The following AKAP12 variants were observed in gnomAD, a reference collection of about 807,000 sequenced individuals.
AKAP12 encodes A-kinase anchor protein 12.
In AKAP12, 32 loss-of-function variants were observed where a neutral mutation model predicts 79.9. That is an observed-to-expected ratio of 0.40 (90% confidence interval 0.30 to 0.54). The LOEUF (loss-of-function observed/expected upper bound fraction) is 0.54. Among genes scored for constraint, AKAP12 ranks in the 20% least tolerant of loss-of-function variants. The pLI, the probability that AKAP12 is intolerant of heterozygous loss-of-function variation, is 0.48. For missense variants in AKAP12, 2,074 were observed against 2,177.0 expected (o/e 0.95, Z 0.94); for synonymous variants, 808 against 857.0 (o/e 0.94, Z 1.00).
intron 2 of AKAP12, among the ~76,000 whole-genome samples, chr6:151,250,992 T>A (rs1797163171): frequency 6.6e-6 from 1 of 152,146 alleles, no homozygotes; most frequent in Non-Finnish European, 1.5e-5. Flanking sequence ...CTTGAACACC[T>A]CATAATTGAG....
intron 2 of AKAP12, among the ~76,000 whole-genome samples, chr6:151,248,039 A>G (rs1165964097): frequency 1.3e-5 from 2 of 151,032 alleles, no homozygotes; most frequent in African/African-American, 5.0e-5. Context: ...TCAAAACGAA[A>G]TAAACCAAAA....
At chr6:151,338,476 G>A (rs1412056957) in intron 3 of AKAP12, among the ~76,000 whole-genome samples, 4 of 147,514 alleles carry the variant, frequency 2.7e-5, no homozygotes, top group Non-Finnish European at 5.9e-5. Flanking sequence ...TTTTCCCCGA[G>A]ATGGAGTCTT....
At chr6:151,258,456 A>G (rs1345532790) in intron 2 of AKAP12, among the ~76,000 whole-genome samples, 2 of 152,202 alleles carry the variant, frequency 1.3e-5, no homozygotes, top group African/African-American at 4.8e-5. Flanking sequence ...ACAGTCTCAT[A>G]GAAAAGCAAA....
chr6:151,241,252 C>A (rs1796969792), intron 2 of AKAP12, among the ~76,000 whole-genome samples: 1 of 152,228 alleles, frequency 6.6e-6, no homozygotes. Context: ...GGTTTGGTAC[C>A]CAGTCCTCCT....
At position 151,309,458 on chromosome 6, in the gene AKAP12, T is replaced by C. The variant is rs567078431; in HGVS notation, c.319+3555T>C. 3.3e-4 allele frequency among the ~76,000 whole-genome samples: 51 copies of C among 152,330 alleles called. 1 individual carries two copies. In the South Asian group the frequency reaches 6.6e-3, roughly 20 times the overall value. On this transcript the variant is annotated intron_variant, in intron 3 of 4. Coordinates refer to ENST00000402676, the MANE Select transcript of AKAP12 (RefSeq NM_005100.4). ...GCCATTCCTACTGGAGGGTTTTTAC[T>C]TTACAGTGGCAGACAAAGCTAGAGG...
intron 2 of AKAP12, among the ~76,000 whole-genome samples, chr6:151,300,075 C>A (rs991467928): frequency 6.6e-6 from 1 of 152,092 alleles, no homozygotes; most frequent in East Asian, 1.9e-4. Context: ...CTGATTTGTA[C>A]TCTGGTTTTT....
At chr6:151,320,623 C>T (rs1446433969) in intron 3 of AKAP12, among the ~76,000 whole-genome samples, 4 of 152,136 alleles carry the variant, frequency 2.6e-5, no homozygotes, top group South Asian at 2.1e-4. Context: ...CCCACAGATT[C>T]GCACTGCATC....
At chr6:151,278,319 G>A (rs1024004587) in intron 2 of AKAP12, among the ~76,000 whole-genome samples, 5 of 151,936 alleles carry the variant, frequency 3.3e-5, no homozygotes, top group African/African-American at 1.2e-4. Context: ...GGGTTCAAGC[G>A]ATTATCCTGC....
chr6:151,343,813 T>C (rs916110530), intron 3 of AKAP12: 14 of 323,274 alleles, frequency 4.3e-5, no homozygotes, highest in Non-Finnish European at 7.1e-5. Flanking sequence ...AAGAAATAGT[T>C]CATGGAAATA....
intron 3 of AKAP12, among the ~76,000 whole-genome samples, chr6:151,342,987 T>C (rs903280115): frequency 2.6e-5 from 4 of 152,188 alleles, no homozygotes; most frequent in Admixed American, 6.5e-5. Flanking sequence ...GGTCTTGAAC[T>C]CCTGACCTCA....
intron 2 of AKAP12, among the ~76,000 whole-genome samples, chr6:151,257,481 G>C (rs763216412): frequency 3.3e-5 from 5 of 152,010 alleles, no homozygotes; most frequent in African/African-American, 9.7e-5. Flanking sequence ...ATTTTTAGTA[G>C]AGACAGGGTT....
chr6:151,342,138 G>C (rs922020615), intron 3 of AKAP12, among the ~76,000 whole-genome samples: 7 of 152,248 alleles, frequency 4.6e-5, no homozygotes, highest in African/African-American at 1.7e-4. Context: ...GCCTCAAAAA[G>C]TCACCAGGAT....
In AKAP12 at chr6:151,350,637, G is replaced by A; in HGVS notation, c.2246G>A (p.Ser749Asn). 1.2e-6 allele frequency: 2 copies of A among 1,614,062 alleles called. No homozygotes were observed. Among genetic ancestry groups the A allele is most frequent in the Non-Finnish European group, 1.7e-6 (2 of 1,180,024 alleles). ...QGSSSPEQAG[S>N]PTEGEGVSTW... ...AGTTCCTCCCCGGAGCAAGCTGGAA[G>A]CCCTACCGAAGGGGAGGGCGTTTCC... Residue 749 changes from serine to asparagine, a missense_variant, in exon 4 of 5, where the codon AGC (serine) becomes AAC (asparagine). Around this residue, in one of 3 missense-constraint regions of AKAP12, gnomAD observed 1,428 missense variants for 1,451.0 expected, o/e 0.98. Coordinates refer to ENST00000402676, the MANE Select transcript of AKAP12 (RefSeq NM_005100.4). The surrounding 1 kb of genome is among the most constrained non-coding windows in gnomAD (Gnocchi z 4.8).
intron 2 of AKAP12, among the ~76,000 whole-genome samples, chr6:151,243,032 A>G (rs542826485): frequency 1.2e-4 from 19 of 152,232 alleles, no homozygotes; most frequent in Non-Finnish European, 2.6e-4. Context: ...CTGTTCGGTT[A>G]TTAATAGATC....
Position 151,350,146 on chromosome 6 carries a change from G to A in AKAP12, c.1755G>A (p.Glu585=). ...CGTGTCTGGAAAAGGGCTTAGCCGA[G>A]GTGCAGCAGGATGGGGAAGCTGAAG... is the stretch of plus-strand genomic sequence containing the variant. ...EITCLEKGLA[E]VQQDGEAEEG... The change falls in exon 4 of 5, where the codon GAG becomes GAA. Residue 585 remains glutamate, a synonymous_variant. Coordinates refer to ENST00000402676, the MANE Select transcript of AKAP12 (RefSeq NM_005100.4). This position sits in a 1 kb window ranked among gnomAD's most constrained non-coding sequence, Gnocchi z 4.8. 6.2e-7 allele frequency: 1 copy of A among 1,614,008 alleles called. No homozygotes were observed. The highest frequency in any genetic ancestry group is 1.1e-5 in the South Asian group (1 of 91,050).
chr6:151,305,975 C>CT (rs1482670072), intron 3 of AKAP12, 72 bp downstream of exon 3: 9 of 1,455,590 alleles, frequency 6.2e-6, no homozygotes, highest in Non-Finnish European at 8.3e-6. Context: ...AGAAAATACT[C>CT]TGTCATACTG....
chr6:151,256,368 CA>C (rs1270427073), intron 2 of AKAP12, among the ~76,000 whole-genome samples: 1 of 152,130 alleles, frequency 6.6e-6, no homozygotes, highest in Admixed American at 6.6e-5. Flanking sequence ...ATTAGAATAG[CA>C]ATTCAGAAGG....
chr6:151,343,771 G>A lies in AKAP12; in HGVS notation c.320-4940G>A, dbSNP rs374871311. Among the ~76,000 whole-genome samples the A allele has an allele frequency of 2.5e-4, 38 of 151,842 alleles. 1 individual carries two copies. Among genetic ancestry groups the A allele is most frequent in the African/African-American group, 8.2e-4 (34 of 41,474 alleles). Reference sequence around the variant, plus strand: ...TGCACTCCAGCGTGGGTGACAGAGCGAAGACTGGTTCAAAAAAAGAAAAAA... The same window carrying A: ...TGCACTCCAGCGTGGGTGACAGAGCAAAGACTGGTTCAAAAAAAGAAAAAA... On this transcript the variant is annotated intron_variant, in intron 3 of 4. Transcript: ENST00000402676.
At chr6:151,252,487 T>C (rs4489165) in intron 2 of AKAP12, among the ~76,000 whole-genome samples, 94,758 of 151,768 alleles carry the variant, frequency 0.62, 29,695 homozygotes, top group Admixed American at 0.67. Context: ...TGAGCCACCG[T>C]GCCTGGCCAG....
Sources: gnomAD v4.1 joint callset for allele counts (sites outside exome capture counted in the v4.1 genomes callset) on GRCh38, gnomAD v4.1.1 for gene constraint, gnomAD v4.1.1 regional missense constraint, Gnocchi (gnomAD v3.1) non-coding constraint, MANE v1.5 for transcripts, NCBI Gene and HGNC (gene_info 2026-07-23, HGNC 2026-07-21) for gene names.